ASH1L: variants seen among roughly 807,000 people sequenced by gnomAD.
ASH1L encodes the protein histone-lysine N-methyltransferase ASH1L.
Under a neutral mutation model 269.0 loss-of-function variants are expected in ASH1L, and 23 were observed. The ratio of observed to expected loss-of-function variants is 0.09; its 90% CI spans 0.06 to 0.12. ASH1L has a LOEUF of 0.12. Among genes scored for constraint, ASH1L ranks in the 10% least tolerant of loss-of-function variants. The pLI, the probability that ASH1L is intolerant of heterozygous loss-of-function variation, is 1.00. For synonymous variants in ASH1L, 1,187 were observed against 1,253.5 expected, an observed-to-expected ratio of 0.95 and a Z score of 1.12; for missense variants, 2,912 against 3,567.8, an observed-to-expected ratio of 0.82 and a Z score of 4.68.
At chr1:155,338,683 G>A (rs1339947641) in intron 26 of ASH1L, among the ~76,000 whole-genome samples, 4 of 152,126 alleles carry the variant, frequency 2.6e-5, no homozygotes, top group Admixed American at 1.3e-4. Context: ...GGTTCTAAAT[G>A]ACTGCTTCAT....
intron 5 of ASH1L, among the ~76,000 whole-genome samples, chr1:155,432,606 G>C (rs1336256528): frequency 6.6e-6 from 1 of 152,168 alleles, no homozygotes; most frequent in Non-Finnish European, 1.5e-5. Flanking sequence ...TCTCTTGAGG[G>C]CAGAAATTTT....
intron 5 of ASH1L, among the ~76,000 whole-genome samples, chr1:155,435,821 C>T (rs955045139): frequency 6.6e-6 from 1 of 152,092 alleles, no homozygotes; most frequent in African/African-American, 2.4e-5. Flanking sequence ...GAGGCTGAGA[C>T]GGGTGGATCA....
chr1:155,372,157 A>T (rs960028031), intron 10 of ASH1L, among the ~76,000 whole-genome samples: 22 of 150,550 alleles, frequency 1.5e-4, no homozygotes, highest in Non-Finnish European at 8.9e-5. Context: ...ACACCCGGGT[A>T]ATTTTTGTAT....
At position 155,359,419 on chromosome 1, in the gene ASH1L, A is replaced by G. The variant is rs554867970; in HGVS notation, c.6795+882T>C. On this transcript the variant is annotated intron_variant, in intron 13 of 27. Transcript: ENST00000392403. ...AGCCTCCTGAGTAGCTGGGACTACA[A>G]GCATGTAACACCATGCCCAGCTGAT... is the stretch of plus-strand genomic sequence containing the variant. Among the ~76,000 whole-genome samples the G allele has an allele frequency of 3.3e-3, 499 of 150,114 alleles. 2 individuals are homozygous for G. Among genetic ancestry groups the G allele is most frequent in the African/African-American group, 0.012 (482 of 40,824 alleles).
intron 1 of ASH1L, among the ~76,000 whole-genome samples, chr1:155,547,624 G>T (rs1248157249): frequency 6.6e-6 from 1 of 151,994 alleles, no homozygotes; most frequent in Non-Finnish European, 1.5e-5. Flanking sequence ...TCGGGAAGCT[G>T]AGGCAGGAGA....
chr1:155,344,123 G>T, intron 22 of ASH1L, 60 bp downstream of exon 22: 1 of 1,431,506 alleles, frequency 7.0e-7, no homozygotes, highest in Non-Finnish European at 9.8e-7. Flanking sequence ...AGACAGCAGA[G>T]ACTTCCTACT....
chr1:155,386,051 T>C (rs1443791535), intron 7 of ASH1L, among the ~76,000 whole-genome samples: 1 of 151,802 alleles, frequency 6.6e-6, no homozygotes, highest in African/African-American at 2.4e-5. Flanking sequence ...GAGAAGTGTC[T>C]GTTCATGTCC....
chr1:155,485,409 C>T (rs914543621), intron 2 of ASH1L, among the ~76,000 whole-genome samples: 4 of 152,112 alleles, frequency 2.6e-5, no homozygotes, highest in Non-Finnish European at 5.9e-5. Context: ...GCCTTGAATG[C>T]CTGGGCTTAA....
chr1:155,414,560 T>A (rs1660056502), intron 6 of ASH1L, among the ~76,000 whole-genome samples: 1 of 152,156 alleles, frequency 6.6e-6, no homozygotes, highest in Non-Finnish European at 1.5e-5. Flanking sequence ...CCACCCGCCC[T>A]GGCCTCCCAA....
rs1363244104 is a variant in ASH1L, at chr1:155,352,723, C to T, written c.7349G>A (p.Gly2450Asp). The change falls in exon 17 of 28, where the codon GGT becomes GAT. Residue 2450 changes from glycine to aspartate, a missense_variant. Physicochemically the swap from Gly to Asp is moderately conservative, Grantham distance 94. Transcript: ENST00000392403. Reference protein sequence around the residue: ...LAQIFKEICDGIISYKDSSRQ... With the variant: ...LAQIFKEICDDIISYKDSSRQ... ...ATAGTCACCTTTATAAGAGATGATA[C>T]CATCACAAATTTCTTTGAAGATCTG... 1 of 1,608,962 alleles carries T rather than the reference C, an allele frequency of 6.2e-7. No homozygotes were observed. The highest frequency in any genetic ancestry group is 1.3e-5 in the African/African-American group (1 of 74,638).
Position 155,477,987 on chromosome 1 carries a change from G to C in ASH1L, c.4883C>G (p.Thr1628Ser). The C allele has an allele frequency of 6.2e-7, 1 of 1,614,212 alleles. No individual in the cohort carries two copies. The change falls in exon 3 of 28, where the codon ACT (threonine) becomes AGT (serine). Residue 1628 changes from threonine (T) to serine (S), a missense_variant. This residue lies in a region of ASH1L where 789 missense variants were observed against 897.6 expected (regional missense o/e 0.88). Transcript: ENST00000392403. ...NPNSSGRKKL[T>S]DSPGLFSAQD... ...TGCAGAAAAGAGTCCAGGGCTGTCAGTTAATTTCTTCCGGCCACTGGAGTT... is the reference window on the plus strand; with the variant it reads ...TGCAGAAAAGAGTCCAGGGCTGTCACTTAATTTCTTCCGGCCACTGGAGTT...
At chr1:155,549,509 C>T (rs1671052522) in intron 1 of ASH1L, among the ~76,000 whole-genome samples, 1 of 151,658 alleles carries the variant, frequency 6.6e-6, no homozygotes, top group African/African-American at 2.4e-5. Flanking sequence ...ACGGTAATCC[C>T]TGCTACTTGG....
At position 155,481,521 on chromosome 1, in the gene ASH1L, T is replaced by C. The variant is rs1665961301; in HGVS notation, c.1349A>G (p.Gln450Arg). The change falls in exon 3 of 28, where the codon CAG becomes CGG. Residue 450 changes from glutamine (Q) to arginine (R), a missense_variant. Around this residue, in one of 13 missense-constraint regions of ASH1L, gnomAD observed 715 missense variants for 721.0 expected, o/e 0.99. Coordinates refer to ENST00000392403, the MANE Select transcript of ASH1L (RefSeq NM_018489.3). Reference sequence around the variant, plus strand: ...ATCTTTCAGGGATTCAGAAAGTTCCTGACTTTCCTGATTATTGATGTTTGT... The same window carrying C: ...ATCTTTCAGGGATTCAGAAAGTTCCCGACTTTCCTGATTATTGATGTTTGT... ...CSTNINNQES[Q>R]ELSESLKDSA... is the part of the protein sequence containing the mutation. 1 of 1,614,088 alleles carries C rather than the reference T, an allele frequency of 6.2e-7. No individual in the cohort carries two copies. Among genetic ancestry groups the C allele is most frequent in the Admixed American group, 1.7e-5 (1 of 60,004 alleles).
At chr1:155,411,608 T>C (rs1032846424) in intron 6 of ASH1L, among the ~76,000 whole-genome samples, 30 of 122,486 alleles carry the variant, frequency 2.4e-4, no homozygotes, top group African/African-American at 8.7e-4. Context: ...TATATATATA[T>C]ATATATATAT....
At chr1:155,426,014 A>G (rs112432892) in intron 5 of ASH1L, among the ~76,000 whole-genome samples, 8,462 of 147,258 alleles carry the variant, frequency 0.057, 792 homozygotes, top group African/African-American at 0.2. Context: ...TCAGCCTCCC[A>G]AGTAGCTGGG....
At chr1:155,445,573 T>C (rs1455739664) in intron 4 of ASH1L, among the ~76,000 whole-genome samples, 1 of 152,044 alleles carries the variant, frequency 6.6e-6, no homozygotes, top group Non-Finnish European at 1.5e-5. Context: ...CAAGTGATCT[T>C]CCTGCAGTGG....
At chr1:155,491,105 AG>A (rs1428544847) in intron 2 of ASH1L, among the ~76,000 whole-genome samples, 1 of 151,390 alleles carries the variant, frequency 6.6e-6, no homozygotes, top group African/African-American at 2.4e-5. Context: ...TTTCTCCTGC[AG>A]TGAAAAGCTG....
chr1:155,348,911 T>TACAC (rs59676231), intron 19 of ASH1L, among the ~76,000 whole-genome samples: 202 of 140,424 alleles, frequency 1.4e-3, no homozygotes, highest in Non-Finnish European at 2.0e-3. Flanking sequence ...TATATATATA[T>TACAC]ACACACACAC....
chr1:155,466,941 C>A (rs1664742324), intron 3 of ASH1L, among the ~76,000 whole-genome samples: 2 of 152,044 alleles, frequency 1.3e-5, no homozygotes, highest in South Asian at 2.1e-4. Context: ...TATGCTTGTA[C>A]AGTGAATATA....
Sources: gnomAD v4.1 joint callset for allele counts (sites outside exome capture counted in the v4.1 genomes callset) on GRCh38, gnomAD v4.1.1 for gene constraint, gnomAD v4.1.1 regional missense constraint, MANE v1.5 for transcripts, NCBI Gene and HGNC (gene_info 2026-07-23, HGNC 2026-07-21) for gene names.